The following DPF3 variants were observed in gnomAD, a reference collection of about 807,000 sequenced individuals.
The protein encoded by DPF3 is zinc finger protein DPF3.
A neutral mutation model predicts 56.8 loss-of-function variants in DPF3; 18 were observed. The observed-to-expected ratio is 0.32, with a 90% CI of 0.22 to 0.47. The LOEUF is 0.47. Among genes scored for constraint, DPF3 ranks in the 20% least tolerant of loss-of-function variants. DPF3 has a pLI of 1.00. For missense variants in DPF3, 403 were observed against 488.8 expected (o/e 0.82, Z 1.65); for synonymous variants, 188 against 180.2 (o/e 1.04, Z -0.35).
At position 72,691,510 on chromosome 14, in the gene DPF3, C is replaced by T. The variant is rs546352522; in HGVS notation, c.742+1566G>A. Among the ~76,000 whole-genome samples the T allele has an allele frequency of 2.2e-4, 33 of 152,240 alleles. No individual in the cohort carries two copies. In the East Asian group the frequency reaches 6.0e-3, roughly 28 times the overall value. On this transcript the variant is annotated intron_variant, in intron 7 of 10. Coordinates refer to ENST00000556509, the MANE Select transcript of DPF3 (RefSeq NM_001280542.3). ...TTGGGAAGCCAAGGCAGGCGGATCA[C>T]GAGGTCAAGAGATCGAGACCATCCT...
At chr14:72,697,558 G>A (rs1887958710) in intron 6 of DPF3, among the ~76,000 whole-genome samples, 1 of 152,172 alleles carries the variant, frequency 6.6e-6, no homozygotes, top group South Asian at 2.1e-4. Flanking sequence ...CGGTGGGGGT[G>A]GATGTGAGGA....
chr14:72,803,010 G>A (rs770904828), intron 1 of DPF3, among the ~76,000 whole-genome samples: 39 of 152,176 alleles, frequency 2.6e-4, no homozygotes, highest in African/African-American at 7.0e-4. Context: ...CCACCTACCC[G>A]CCCCTTGTCA....
chr14:72,723,482 G>A lies in DPF3; in HGVS notation c.525+151C>T. The A allele has an allele frequency of 3.0e-6, 2 of 671,922 alleles. 1 individual carries two copies. The highest frequency in any genetic ancestry group is 4.8e-6 in the Non-Finnish European group (2 of 415,120). The allele number at this position is 671,922 out of a possible 1,614,324, so 41.6% of individuals were successfully genotyped here. A position where few individuals can be genotyped will look rare whatever the true frequency, so the allele number is the denominator to read the frequency against. ...CTGAACTCTTCCAGGCTACGACCTGGGATCAGAGCTCTTCTGGAGTTTTCT... is the reference window on the plus strand; with the variant it reads ...CTGAACTCTTCCAGGCTACGACCTGAGATCAGAGCTCTTCTGGAGTTTTCT... On this transcript the variant is annotated intron_variant, in intron 5 of 10. Coordinates refer to ENST00000556509, the MANE Select transcript of DPF3 (RefSeq NM_001280542.3).
At chr14:72,837,771 GATC>G (rs1884361557) in intron 1 of DPF3, among the ~76,000 whole-genome samples, 1 of 152,046 alleles carries the variant, frequency 6.6e-6, no homozygotes, top group Admixed American at 6.6e-5. Context: ...AGAAAAAAAA[GATC>G]ACTGTTCACA....
chr14:72,623,734 A>C (rs1441382824), intron 9 of DPF3, among the ~76,000 whole-genome samples: 1 of 152,220 alleles, frequency 6.6e-6, no homozygotes, highest in East Asian at 1.9e-4. Context: ...CTTTAAAACA[A>C]GCAAAAAATA....
At chr14:72,757,431 C>A (rs1375579768) in intron 2 of DPF3, among the ~76,000 whole-genome samples, 1 of 151,976 alleles carries the variant, frequency 6.6e-6, no homozygotes, top group African/African-American at 2.4e-5. Flanking sequence ...ATTTGTCCAC[C>A]CTCTGTTCCA....
chr14:72,752,484 G>A (rs1293379880), intron 3 of DPF3, among the ~76,000 whole-genome samples: 1 of 152,186 alleles, frequency 6.6e-6, no homozygotes, highest in Admixed American at 6.5e-5. Flanking sequence ...CCAACATGGT[G>A]AAACACTGTC....
chr14:72,863,330 T>G (rs540080191), intron 1 of DPF3, among the ~76,000 whole-genome samples: 35 of 151,968 alleles, frequency 2.3e-4, no homozygotes, highest in South Asian at 2.1e-4. Context: ...GTGTGCTCAG[T>G]GGACTCAGGA....
At chr14:72,743,305 G>A (rs1398479231) in intron 3 of DPF3, among the ~76,000 whole-genome samples, 1 of 152,016 alleles carries the variant, frequency 6.6e-6, no homozygotes, top group Non-Finnish European at 1.5e-5. Context: ...TCATCTGCGG[G>A]TCCAGGATAA....
chr14:72,805,428 C>T (rs916054273), intron 1 of DPF3, among the ~76,000 whole-genome samples: 1 of 151,834 alleles, frequency 6.6e-6, no homozygotes, highest in Non-Finnish European at 1.5e-5. Flanking sequence ...TGAGATCACG[C>T]CATTGCACTC....
chr14:72,701,801 T>G lies in DPF3; in HGVS notation c.605-8588A>C, dbSNP rs558150466. The stretch of plus-strand genomic sequence containing the variant: ...CATCCCAGAGACAAAGCCTGGGCCC[T>G]GGGAGTCACCAGCCAGTCACCAGCC... On this transcript the variant is annotated intron_variant, in intron 6 of 10. Transcript: ENST00000556509. Among the ~76,000 whole-genome samples the G allele has an allele frequency of 3.0e-4, 46 of 152,268 alleles. No individual in the cohort carries two copies. In the South Asian group the frequency reaches 9.5e-3, roughly 32 times the overall value.
intron 6 of DPF3, among the ~76,000 whole-genome samples, chr14:72,701,301 G>C (rs893087209): frequency 3.3e-5 from 5 of 152,170 alleles, no homozygotes; most frequent in African/African-American, 1.2e-4. Context: ...TCCTGGCATG[G>C]TGCACATGGA....
intron 3 of DPF3, among the ~76,000 whole-genome samples, chr14:72,736,933 G>C (rs977722473): frequency 6.6e-6 from 1 of 151,382 alleles, no homozygotes; most frequent in African/African-American, 2.4e-5. Flanking sequence ...CCCATGGATC[G>C]TTACTCTCTC....
chr14:72,849,799 G>A (rs1050283276), intron 1 of DPF3, among the ~76,000 whole-genome samples: 3 of 152,142 alleles, frequency 2.0e-5, no homozygotes, highest in Admixed American at 2.0e-4. Context: ...TTCTGGTTGT[G>A]CACTATGCTT....
In DPF3 at chr14:72,828,544, A is replaced by AAAAAAAAC. The variant is rs1883916998; in HGVS notation, c.33-56652_33-56651insGTTTTTTT. Among the ~76,000 whole-genome samples, 2 of 151,260 alleles carry AAAAAAAAC rather than the reference A, an allele frequency of 1.3e-5. 1 individual carries two copies. The highest frequency in any genetic ancestry group is 1.3e-4 in the Admixed American group (2 of 15,180). ...CAAAGTGAGACCATGTCTTAAAAAA[A>AAAAAAAAC]AAAAAAAACTTAATATGATTTTACC... is the stretch of plus-strand genomic sequence containing the variant. On this transcript the variant is annotated intron_variant, in intron 1 of 10. Coordinates refer to ENST00000556509, the MANE Select transcript of DPF3 (RefSeq NM_001280542.3).
chr14:72,714,483 C>T lies in DPF3; in HGVS notation c.544G>A (p.Gly182Ser). 2 of 1,613,782 alleles carry T rather than the reference C, an allele frequency of 1.2e-6. No homozygotes were observed. The highest frequency in any genetic ancestry group is 1.1e-5 in the South Asian group (1 of 91,072). ...TRGRARGSAG[G>S]RRRHDAASQE... Reference sequence around the variant, plus strand: ...GAGGCGGCGTCGTGCCTCCTCCTGCCCCCTGCAGAGCCGCGAGCCTGGGGA... The same window carrying T: ...GAGGCGGCGTCGTGCCTCCTCCTGCTCCCTGCAGAGCCGCGAGCCTGGGGA... Residue 182 changes from glycine to serine, a missense_variant, in exon 6 of 11, where the codon GGC (glycine) becomes AGC (serine). By Grantham distance (56) the Gly-to-Ser change is moderately conservative (BLOSUM62 0). Transcript: ENST00000556509.
chr14:72,696,727 T>C (rs1887916976), intron 6 of DPF3, among the ~76,000 whole-genome samples: 1 of 152,218 alleles, frequency 6.6e-6, no homozygotes, highest in South Asian at 2.1e-4. Context: ...AGTAATAATG[T>C]TTAGAGCAAA....
At chr14:72,745,857 TA>T (rs1424620210) in intron 3 of DPF3, among the ~76,000 whole-genome samples, 1 of 152,222 alleles carries the variant, frequency 6.6e-6, no homozygotes, top group Non-Finnish European at 1.5e-5. Context: ...ATAGTTATTT[TA>T]AAATACTGTC....
chr14:72,611,160 G>C lies in DPF3; in HGVS notation c.*8137C>G, dbSNP rs996950567. On this transcript the variant is annotated 3_prime_UTR_variant, in exon 11 of 11. Transcript: ENST00000556509. ...AGCTCTGAGCCAACATCCACACATG[G>C]ACAGATACACACCTTCCCCCAAGCC... 2.1e-4 allele frequency among the ~76,000 whole-genome samples: 32 copies of C among 152,166 alleles called. No homozygotes were observed. Among genetic ancestry groups the C allele is most frequent in the Non-Finnish European group, 4.1e-4 (28 of 68,044 alleles).
Sources: allele counts gnomAD v4.1 joint callset (sites outside exome capture counted in the v4.1 genomes callset), GRCh38; gene constraint gnomAD v4.1.1; transcripts MANE v1.5; gene names NCBI Gene and HGNC (gene_info 2026-07-23, HGNC 2026-07-21).